TTN: variants seen among roughly 807,000 people sequenced by gnomAD.
The protein encoded by TTN is connectin.
Under a neutral mutation model 3,223.0 loss-of-function variants are expected in TTN, and 1,525 were observed. The ratio of observed to expected loss-of-function variants is 0.47; its 90% confidence interval spans 0.45 to 0.49. The LOEUF (loss-of-function observed/expected upper bound fraction) is 0.49, where lower values mean the gene tolerates loss of function less well. Among genes scored for constraint, TTN ranks in the 20% least tolerant of loss-of-function variants. TTN has a pLI of 0.00. For missense variants in TTN, 40,786 were observed against 43,424.0 expected (o/e 0.94, Z 5.40); for synonymous variants, 14,094 against 15,161.0 (o/e 0.93, Z 5.17).
chr2:178,766,295 C>A (rs2090404896), intron 41 of TTN, 86 bp downstream of exon 41: 1 of 1,115,004 alleles, frequency 9.0e-7, no homozygotes, highest in Non-Finnish European at 1.4e-6. Context: ...TAGAAATTTC[C>A]TTCAAGTTAC....
At chr2:178,651,622 C>T (rs748538678) in intron 206 of TTN, 44 bp downstream of exon 206, 52 of 1,612,096 alleles carry the variant, frequency 3.2e-5, no homozygotes, top group Non-Finnish European at 4.2e-5. Context: ...TATGACACTT[C>T]AAAGAAAGTT....
chr2:178,649,839 T>C lies in TTN; in HGVS notation c.39873A>G (p.Lys13291=), dbSNP rs757735428. ...IPEKKVPVIK[K]PEAPPPKEPE... is the part of the protein sequence containing the mutation. ...TACCTTTAGGAGGCGGTGCTTCTGG[T>C]TTTTTGATGACAGGAACTTTCTTCT... Residue 13291 remains lysine (K), a synonymous_variant, in exon 211 of 363, where the codon AAA becomes AAG. Coordinates refer to ENST00000589042, the MANE Select transcript of TTN (RefSeq NM_001267550.2). The C allele has an allele frequency of 1.2e-6, 2 of 1,612,258 alleles. No homozygotes were observed. Among genetic ancestry groups the C allele is most frequent in the African/African-American group, 2.7e-5 (2 of 74,796 alleles).
chr2:178,654,151 T>C, intron 193 of TTN, 56 bp from the exon 194 acceptor site: 1 of 1,592,342 alleles, frequency 6.3e-7, no homozygotes. Flanking sequence ...TATATTACAG[T>C]GATTGTGAGG....
At position 178,575,573 on chromosome 2, in the gene TTN, G is replaced by A. The variant is rs763169614; in HGVS notation, c.70559C>T (p.Pro23520Leu). The change falls in exon 326 of 363, where the codon CCA (proline) becomes CTA (leucine). Residue 23520 changes from proline to leucine, a missense_variant. By Grantham distance (98) the Pro-to-Leu change is moderately conservative (BLOSUM62 -3). Transcript: ENST00000589042. The surrounding 1 kb of genome is among the most constrained non-coding windows in gnomAD (Gnocchi z 4.0). The stretch of plus-strand genomic sequence containing the variant: ...TTTTACGGGCTCTGTAGTTTCTGTT[G>A]GCTCACCAATTCCATATTCATTCTC... ...MAENEYGIGE[P>L]TETTEPVKAS... 29 of 1,613,558 alleles carry A rather than the reference G, an allele frequency of 1.8e-5. No individual in the cohort carries two copies. Among genetic ancestry groups the A allele is most frequent in the Non-Finnish European group, 2.5e-5 (29 of 1,179,646 alleles).
At chr2:178,637,816 A>G (rs1448837405) in intron 223 of TTN, among the ~76,000 whole-genome samples, 3 of 151,894 alleles carry the variant, frequency 2.0e-5, no homozygotes, top group Non-Finnish European at 4.4e-5. Context: ...GAAAAGGGAA[A>G]TGGCTGAGAG....
Position 178,607,548 on chromosome 2 carries a change from C to A in TTN, c.53140G>T (p.Asp17714Tyr), listed in dbSNP as rs1051253179. The A allele has an allele frequency of 1.1e-5, 18 of 1,613,166 alleles. No individual in the cohort carries two copies. The highest frequency in any genetic ancestry group is 1.5e-5 in the Non-Finnish European group (18 of 1,179,374). Residue 17714 changes from aspartate (D) to tyrosine (Y), a missense_variant, in exon 277 of 363, where the codon GAT (aspartate) becomes TAT (tyrosine). Coordinates refer to ENST00000589042, the MANE Select transcript of TTN (RefSeq NM_001267550.2). Reference sequence around the variant, plus strand: ...TTGTCTATTACAACACGGTCTTTATCCAGCTCCCCTTCTTCTTTGGTCCAT... The same window carrying A: ...TTGTCTATTACAACACGGTCTTTATACAGCTCCCCTTCTTCTTTGGTCCAT... ...KVWTKEEGELDKDRVVIDNVG... is the reference protein window; with the variant it reads ...KVWTKEEGELYKDRVVIDNVG...
Position 178,535,594 on chromosome 2 carries a change from C to T in TTN, c.101021G>A (p.Arg33674Lys), listed in dbSNP as rs766217871. The change falls in exon 358 of 363, where the codon AGA becomes AAA. Residue 33674 changes from arginine (R) to lysine (K), a missense_variant. Coordinates refer to ENST00000589042, the MANE Select transcript of TTN (RefSeq NM_001267550.2). ...AGFYVVCAKN[R>K]FGIDQKTVEL... ...AACTGTCTTCTGATCAATTCCAAAT[C>T]TGTTTTTAGCACAGACCACATAGAA... 6.2e-7 allele frequency: 1 copy of T among 1,613,864 alleles called. No individual in the cohort carries two copies. Among genetic ancestry groups the T allele is most frequent in the South Asian group, 1.1e-5 (1 of 91,084 alleles).
Position 178,526,116 on chromosome 2 carries a change from G to A in TTN, c.*896C>T, listed in dbSNP as rs1686333479. 6.6e-6 allele frequency: 1 copy of A among 152,654 alleles called. No individual in the cohort carries two copies. The highest frequency in any genetic ancestry group is 2.4e-5 in the African/African-American group (1 of 41,464). The allele number at this position is 152,654 out of a possible 1,614,324, so 9.5% of individuals were successfully genotyped here. On this transcript the variant is annotated 3_prime_UTR_variant, in exon 363 of 363. Transcript: ENST00000589042. ...ATCAAATTGACATTTTGGGCAATTA[G>A]TAATATTGTTTAAAATTTAACAACA... is the stretch of plus-strand genomic sequence containing the variant.
In TTN at chr2:178,653,446, T is replaced by C; in HGVS notation, c.38688A>G (p.Pro12896=). 1 of 1,578,060 alleles carries C rather than the reference T, an allele frequency of 6.3e-7. No homozygotes were observed. The highest frequency in any genetic ancestry group is 8.5e-7 in the Non-Finnish European group (1 of 1,170,612). Reference sequence around the variant, plus strand: ...AAGTACCTGTAACAGGTGGAACTTCTGGCTTTTTAGGAAGCACCAGTGTTT... The same window carrying C: ...AAGTACCTGTAACAGGTGGAACTTCCGGCTTTTTAGGAAGCACCAGTGTTT... ...EKKTLVLPKK[P]EVPPVTVPEA... Residue 12896 remains proline (P), a synonymous_variant, in exon 197 of 363, where the codon CCA becomes CCG. Transcript: ENST00000589042.
rs376882041 is a variant in TTN, at chr2:178,723,611, G to A, written c.21489C>T (p.Thr7163=). The A allele has an allele frequency of 1.1e-5, 18 of 1,612,962 alleles. No homozygotes were observed. The highest frequency in any genetic ancestry group is 2.2e-5 in the East Asian group (1 of 44,784). Residue 7163 remains threonine, a synonymous_variant, in exon 74 of 363, where the codon ACC becomes ACT. Transcript: ENST00000589042. ...TGAACCAGTTGACTTTGAATGGAGGGGTTCCTCTAATAACGCTTGTGAAGG... is the reference window on the plus strand; with the variant it reads ...TGAACCAGTTGACTTTGAATGGAGGAGTTCCTCTAATAACGCTTGTGAAGG... ...NVTFTSVIRG[T]PPFKVNWFRG...
At chr2:178,767,967 A>G (rs768053665) in intron 39 of TTN, 43 bp from the exon 40 acceptor site, 1 of 1,614,114 alleles carries the variant, frequency 6.2e-7, no homozygotes, top group South Asian at 1.1e-5. Context: ...ATGGTGATTC[A>G]GAGGAAACTG....
Position 178,775,856 on chromosome 2 carries a change from C to T in TTN, c.6008G>A (p.Arg2003His), listed in dbSNP as rs753167856. 34 of 1,613,960 alleles carry T rather than the reference C, an allele frequency of 2.1e-5. No homozygotes were observed. In the East Asian group the frequency reaches 2.2e-4, roughly 11 times the overall value. Reference sequence around the variant, plus strand: ...TTCATAATAGCCCTCTTCTGTTCTGCGCTTGAATTTACTGCGCAGCTCTTC... The same window carrying T: ...TTCATAATAGCCCTCTTCTGTTCTGTGCTTGAATTTACTGCGCAGCTCTTC... ...ESEELRSKFK[R>H]RTEEGYYEAI... The change falls in exon 28 of 363, where the codon CGC (arginine) becomes CAC (histidine). Residue 2003 changes from arginine (R) to histidine (H), a missense_variant. Physicochemically the swap from Arg to His is conservative, Grantham distance 29 (BLOSUM62 0). Transcript: ENST00000589042.
rs775492043 is a variant in TTN, at chr2:178,574,814, G to C, written c.71318C>G (p.Thr23773Ser). The change falls in exon 326 of 363, where the codon ACC (threonine) becomes AGC (serine). Residue 23773 changes from threonine to serine, a missense_variant. By Grantham distance (58) the Thr-to-Ser change is moderately conservative (BLOSUM62 1). Coordinates refer to ENST00000589042, the MANE Select transcript of TTN (RefSeq NM_001267550.2). The part of the protein sequence containing the change: ...VVEMRQTDST[T>S]WVELATTVIR... ...AACGGTGGTTGCTAACTCAACCCAG[G>C]TAGTACTGTCAGTCTGCCGCATTTC... 7 of 1,612,674 alleles carry C rather than the reference G, an allele frequency of 4.3e-6. 1 individual carries two copies. In the South Asian group the frequency reaches 7.7e-5, roughly 18 times the overall value.
Position 178,652,244 on chromosome 2 carries a change from A to G in TTN, c.39211+20T>C. 1 of 1,613,348 alleles carries G rather than the reference A, an allele frequency of 6.2e-7. No individual in the cohort carries two copies. Among genetic ancestry groups the G allele is most frequent in the Non-Finnish European group, 8.5e-7 (1 of 1,179,670 alleles). ...AAGACAAACAAACAATATCAAACAC[A>G]GCACCATGAGGGTGTCTACCTTTTG... On this transcript the variant is annotated intron_variant, in intron 203 of 362. Coordinates refer to ENST00000589042, the MANE Select transcript of TTN (RefSeq NM_001267550.2).
At position 178,682,819 on chromosome 2, in the gene TTN, T is replaced by G; in HGVS notation, c.32972A>C (p.Glu10991Ala). 4 of 1,612,408 alleles carry G rather than the reference T, an allele frequency of 2.5e-6. No individual in the cohort carries two copies. The highest frequency in any genetic ancestry group is 3.4e-6 in the Non-Finnish European group (4 of 1,179,114). ...TTCTTTATAATCATATTCTTCATAT[T>G]CCTCATATTCTTCTTCCCGTTGTAC... ...VSVQREEEYE[E>A]YEEYDYKEFE... Residue 10991 changes from glutamate to alanine, a missense_variant, in exon 135 of 363, where the codon GAA (glutamate) becomes GCA (alanine). Glu to Ala is a moderately radical substitution (Grantham distance 107). Coordinates refer to ENST00000589042, the MANE Select transcript of TTN (RefSeq NM_001267550.2).
At chr2:178,646,105 TATATATATATATATATATATATATATATA>T in intron 216 of TTN, 75 bp from the exon 217 acceptor site, 1 of 17,870 alleles carries the variant, frequency 5.6e-5, no homozygotes, top group Non-Finnish European at 1.0e-4. Context: ...TAATAGAAAT[TATATATATATATATATATATATATATATA>T]TATATATATA....
At position 178,713,334 on chromosome 2, in the gene TTN, C is replaced by T. The variant is rs2076941615; in HGVS notation, c.26800G>A (p.Glu8934Lys). 1 of 1,558,786 alleles carries T rather than the reference C, an allele frequency of 6.4e-7. No homozygotes were observed. Among genetic ancestry groups the T allele is most frequent in the Admixed American group, 1.9e-5 (1 of 51,848 alleles). Residue 8934 changes from glutamate (E) to lysine (K), a missense_variant, in exon 93 of 363, where the codon GAG becomes AAG. Coordinates refer to ENST00000589042, the MANE Select transcript of TTN (RefSeq NM_001267550.2). ...VPPSFTRKLK[E>K]TNGLSGSSVV... ...GAGGAGCCGGATAGACCATTTGTCT[C>T]TTTCAATTTTCTTGTGAATGAAGGA...
Position 178,580,317 on chromosome 2 carries a change from C to T in TTN, c.67057+5G>A. 1 of 1,610,704 alleles carries T rather than the reference C, an allele frequency of 6.2e-7. No homozygotes were observed. Among genetic ancestry groups the T allele is most frequent in the Non-Finnish European group, 8.5e-7 (1 of 1,178,722 alleles). ...ATATATGATTCTTTTTTGAAATAGA[C>T]TTACCAAGCACTTTCACAACAATGG... On this transcript the variant is annotated splice_donor_5th_base_variant and intron_variant, in intron 317 of 362. Transcript: ENST00000589042.
At chr2:178,746,726 G>A in intron 47 of TTN, 3 of 1,613,372 alleles carry the variant, frequency 1.9e-6, no homozygotes, top group Non-Finnish European at 2.5e-6. Flanking sequence ...TCTTTCATCT[G>A]GCTCTAGTAA....
Sources: allele counts gnomAD v4.1 joint callset (sites outside exome capture counted in the v4.1 genomes callset), GRCh38; gene constraint gnomAD v4.1.1; non-coding constraint Gnocchi (gnomAD v3.1); transcripts MANE v1.5; gene names NCBI Gene and HGNC (gene_info 2026-07-23, HGNC 2026-07-21).